AHNAK: variants seen among roughly 807,000 people sequenced by gnomAD.
The protein encoded by AHNAK is AHNAK nucleoprotein.
A neutral mutation model predicts 37.8 loss-of-function variants in AHNAK; 23 were observed. The observed-to-expected ratio is 0.61, with a 90% CI of 0.44 to 0.86. The LOEUF (loss-of-function observed/expected upper bound fraction) is 0.86, where lower values mean the gene tolerates loss of function less well. Among genes scored for constraint, AHNAK ranks in the 40% least tolerant of loss-of-function variants. The probability of loss-of-function intolerance (pLI) is 0.00; values close to 1 mark genes in which losing one functional copy is unlikely to be tolerated. For synonymous variants in AHNAK, 2,481 were observed against 2,636.3 expected (o/e 0.94, Z 1.80); for missense variants, 7,411 against 7,319.4 (o/e 1.01, Z -0.46).
chr11:62,508,778 A>C (rs996601683), intron 4 of AHNAK, among the ~76,000 whole-genome samples: 2 of 152,220 alleles, frequency 1.3e-5, no homozygotes, highest in Non-Finnish European at 2.9e-5. Context: ...GCAGGCATTC[A>C]TGCATGGAAT....
intron 4 of AHNAK, among the ~76,000 whole-genome samples, chr11:62,508,328 A>G (rs1237333365): frequency 1.3e-5 from 2 of 152,132 alleles, no homozygotes; most frequent in Non-Finnish European, 2.9e-5. Context: ...TCCCAACTCT[A>G]TGAGTTGAGA....
In AHNAK at chr11:62,521,829, G is replaced by A. The variant is rs753178284; in HGVS notation, c.12588C>T (p.Phe4196=). The A allele has an allele frequency of 1.9e-6, 3 of 1,613,328 alleles. No homozygotes were observed. Among genetic ancestry groups the A allele is most frequent in the South Asian group, 1.1e-5 (1 of 91,060 alleles). The change falls in exon 5 of 5, where the codon TTC becomes TTT. Residue 4196 remains phenylalanine, a synonymous_variant. Coordinates refer to ENST00000378024, the MANE Select transcript of AHNAK (RefSeq NM_001620.3). Reference sequence around the variant, plus strand: ...CCTCTCCTTTGAAGCCAGGCATGCTGAACTTGGGCATTTTCACTTTGGGCA... The same window carrying A: ...CCTCTCCTTTGAAGCCAGGCATGCTAAACTTGGGCATTTTCACTTTGGGCA... ...LKMPKVKMPK[F]SMPGFKGEGP...
intron 5 of AHNAK, among the ~76,000 whole-genome samples, chr11:62,454,342 GGCGGAGCTT>G (rs1328795099): frequency 1.3e-5 from 2 of 151,504 alleles, no homozygotes; most frequent in African/African-American, 4.8e-5. Flanking sequence ...GAACCCGGGA[GGCGGAGCTT>G]GCAGTGAGCC....
At chr11:62,510,182 C>A (rs1052771850) in intron 4 of AHNAK, among the ~76,000 whole-genome samples, 5 of 151,648 alleles carry the variant, frequency 3.3e-5, no homozygotes, top group African/African-American at 1.2e-4. Flanking sequence ...GCCTCAGCCT[C>A]CTGAGTAGCT....
rs1399945740 is a variant in AHNAK at position 62,528,628 on chromosome 11, T to C, written c.5789A>G (p.His1930Arg). ...CCCTTTGACTTTGGGGCCTTTCAAG[T>C]GTAAGTCCACATCAGGCATGGAGAT... ...PKISMPDVDL[H>R]LKGPKVKGDV... The change falls in exon 5 of 5, where the codon CAC becomes CGC. Residue 1930 changes from histidine to arginine, a missense_variant. By Grantham distance (29) the His-to-Arg change is conservative. Coordinates refer to ENST00000378024, the MANE Select transcript of AHNAK (RefSeq NM_001620.3). 1 of 1,609,608 alleles carries C rather than the reference T, an allele frequency of 6.2e-7. No individual in the cohort carries two copies. Among genetic ancestry groups the C allele is most frequent in the East Asian group, 2.2e-5 (1 of 44,594 alleles).
intron 5 of AHNAK, among the ~76,000 whole-genome samples, chr11:62,450,946 C>G (rs1310235371): frequency 2.0e-5 from 3 of 152,204 alleles, no homozygotes; most frequent in Non-Finnish European, 4.4e-5. Flanking sequence ...TGGCTCACGC[C>G]TGTAATCGCG....
chr11:62,434,363 G>A (rs1226887434), intron 5 of AHNAK, among the ~76,000 whole-genome samples: 1 of 151,976 alleles, frequency 6.6e-6, no homozygotes, highest in Non-Finnish European at 1.5e-5. Flanking sequence ...ATGAACCCAA[G>A]CAACTGGCTT....
At chr11:62,460,122 GAAAAAAA>G in intron 5 of AHNAK, among the ~76,000 whole-genome samples, 1 of 98,824 alleles carries the variant, frequency 1.0e-5, no homozygotes, top group African/African-American at 3.8e-5. Flanking sequence ...CCGTCTCAAA[GAAAAAAA>G]AAAAAAAAAG....
rs766178733 is a variant in AHNAK at position 62,519,243 on chromosome 11, C to T, written c.15174G>A (p.Pro5058=). 1.5e-5 allele frequency: 25 copies of T among 1,614,010 alleles called. No homozygotes were observed. The South Asian group carries it at 2.3e-4, about 15-fold the overall frequency. Residue 5058 remains proline, a synonymous_variant, in exon 5 of 5, where the codon CCG becomes CCA. Transcript: ENST00000378024. ...GCCCTGCGATGTTGACATCTACATC[C>T]GGAGCCTTGAGGCTGGCATCAATTT... ...GGEIDASLKA[P]DVDVNIAGPD... is the part of the protein sequence containing the mutation.
rs777419307 is a variant in AHNAK, at chr11:62,536,089, C to T, written c.10G>A (p.Glu4Lys). 27 of 1,583,228 alleles carry T rather than the reference C, an allele frequency of 1.7e-5. No homozygotes were observed. The highest frequency in any genetic ancestry group is 2.3e-5 in the Non-Finnish European group (27 of 1,162,730). ...AGCAGCAGCTCCCGGGTTGTCTCCT[C>T]CTTCTCCATCTGGAATGAGGTGAGG... The part of the protein sequence containing the change: MEK[E>K]ETTRELLLPN... Residue 4 changes from glutamate to lysine, a missense_variant, in exon 3 of 5, where the codon GAG (glutamate) becomes AAG (lysine). Physicochemically the swap from Glu to Lys is moderately conservative, Grantham distance 56. Coordinates refer to ENST00000378024, the MANE Select transcript of AHNAK (RefSeq NM_001620.3).
chr11:62,523,000 T>G lies in AHNAK; in HGVS notation c.11417A>C (p.Lys3806Thr). 6.2e-7 allele frequency: 1 copy of G among 1,613,998 alleles called. No homozygotes were observed. Among genetic ancestry groups the G allele is most frequent in the Non-Finnish European group, 8.5e-7 (1 of 1,180,014 alleles). Residue 3806 changes from lysine to threonine, a missense_variant, in exon 5 of 5, where the codon AAG becomes ACG. Physicochemically the swap from Lys to Thr is moderately conservative, Grantham distance 78. Coordinates refer to ENST00000378024, the MANE Select transcript of AHNAK (RefSeq NM_001620.3). Reference protein sequence around the residue: ...QGPDWHLKMPKVKMPKFSMPG... With the variant: ...QGPDWHLKMPTVKMPKFSMPG... ...CATGCTGAACTTGGGCATTTTCACC[T>G]TGGGCATCTTCAGGTGCCAGTCTGG...
At chr11:62,469,947 T>G (rs2509959) in intron 5 of AHNAK, among the ~76,000 whole-genome samples, 14,485 of 152,170 alleles carry the variant, frequency 0.095, 1,767 homozygotes, top group African/African-American at 0.29. Context: ...AAAAATCACA[T>G]GAAAAACCTC....
rs373273878 is a variant in AHNAK at position 62,523,583 on chromosome 11, T to C, written c.10834A>G (p.Met3612Val). 6 of 1,614,046 alleles carry C rather than the reference T, an allele frequency of 3.7e-6. No individual in the cohort carries two copies. In the African/African-American group the frequency reaches 6.7e-5, roughly 18 times the overall value. ...GGGCCTTCTCCTTTGAAGCCAGGCA[T>C]GCTGAACTTGGGCATTTTCACTTTG... ...MPKVKMPKFS[M>V]PGFKGEGPEV... Residue 3612 changes from methionine (M) to valine (V), a missense_variant, in exon 5 of 5, where the codon ATG (methionine) becomes GTG (valine). By Grantham distance (21) the Met-to-Val change is conservative. Transcript: ENST00000378024.
intron 1 of AHNAK, among the ~76,000 whole-genome samples, chr11:62,538,997 G>A (rs762660014): frequency 6.6e-6 from 1 of 152,130 alleles, no homozygotes; most frequent in African/African-American, 2.4e-5. Flanking sequence ...GTTTGACAAC[G>A]CGGTGTGGAC....
intron 5 of AHNAK, among the ~76,000 whole-genome samples, chr11:62,453,600 T>C (rs1285575850): frequency 1.3e-5 from 2 of 152,044 alleles, no homozygotes; most frequent in Non-Finnish European, 1.5e-5. Context: ...CAGTCTGGTG[T>C]CTGTAAGAGC....
At chr11:62,481,911 G>T (rs974441377) in intron 5 of AHNAK, among the ~76,000 whole-genome samples, 1 of 152,070 alleles carries the variant, frequency 6.6e-6, no homozygotes, top group African/African-American at 2.4e-5. Context: ...CTGCCTTGAT[G>T]TTAAGACCTT....
In AHNAK at chr11:62,533,025, C is replaced by A. The variant is rs764481184; in HGVS notation, c.1392G>T (p.Gly464=). Residue 464 remains glycine, a synonymous_variant, in exon 5 of 5, where the codon GGG becomes GGT. Coordinates refer to ENST00000378024, the MANE Select transcript of AHNAK (RefSeq NM_001620.3). ...TLPTGEVTVP[G]VSGDVSLPEI... is the part of the protein sequence containing the mutation. ...CAGGCAGGCTGACATCCCCAGAGAC[C>A]CCAGGAACAGTCACTTCACCTGTAG... 1.1e-5 allele frequency: 18 copies of A among 1,613,906 alleles called. No individual in the cohort carries two copies. In the South Asian group the frequency reaches 1.8e-4, roughly 16 times the overall value.
chr11:62,433,824 G>T (rs1938099364), exon 6 of AHNAK: 1 of 1,608,340 alleles, frequency 6.2e-7, no homozygotes. Flanking sequence ...TTAGAACAAT[G>T]CTCCAAAGAA....
At position 62,516,246 on chromosome 11, in the gene AHNAK, C is replaced by A; in HGVS notation, c.*498G>T. 2.3e-6 allele frequency: 3 copies of A among 1,289,270 alleles called. No homozygotes were observed. The South Asian group carries it at 3.7e-5, about 16-fold the overall frequency. 79.9% of individuals were successfully genotyped at this position (1,289,270 alleles called of 1,614,324 possible). A position where few individuals can be genotyped will look rare whatever the true frequency, so the allele number is the denominator to read the frequency against. ...CCACACACCCTGACTACCACCACCT[C>A]TGGGCCATCTGTGGGCGTTTGCTGT... On this transcript the variant is annotated 3_prime_UTR_variant, in exon 5 of 5. Coordinates refer to ENST00000378024, the MANE Select transcript of AHNAK (RefSeq NM_001620.3).
Sources: allele counts gnomAD v4.1 joint callset (sites outside exome capture counted in the v4.1 genomes callset), GRCh38; gene constraint gnomAD v4.1.1; transcripts MANE v1.5; gene names NCBI Gene and HGNC (gene_info 2026-07-23, HGNC 2026-07-21).